The following SLC35F3 variants were observed in gnomAD, a reference collection of about 807,000 sequenced individuals.
The protein encoded by SLC35F3 is solute carrier family 35 member F3, also known as putative thiamine transporter SLC35F3.
A neutral mutation model predicts 49.9 loss-of-function variants in SLC35F3; 25 were observed. That is an observed-to-expected ratio of 0.50 (90% CI 0.37 to 0.70). The LOEUF (loss-of-function observed/expected upper bound fraction) is 0.70. SLC35F3 is among the 30% of genes least tolerant of loss of function. The pLI, the probability that SLC35F3 is intolerant of heterozygous loss-of-function variation, is 0.00. For synonymous variants in SLC35F3, 275 were observed against 265.4 expected (o/e 1.04, Z -0.35); for missense variants, 525 against 639.8 (o/e 0.82, Z 1.94).
Position 234,068,446 on chromosome 1 carries a change from C to T in SLC35F3, c.283+162688C>T, listed in dbSNP as rs548509326. On this transcript the variant is annotated intron_variant, in intron 2 of 7. Coordinates refer to ENST00000366618, the MANE Select transcript of SLC35F3 (RefSeq NM_173508.4). ...GATTCACAGTCTGTAACAGAAGACT[C>T]ACATGCTAACAGCTACAAGAAGCAG... Among the ~76,000 whole-genome samples the T allele has an allele frequency of 2.6e-5, 4 of 152,242 alleles. No individual in the cohort carries two copies. The South Asian group carries it at 8.3e-4, about 32-fold the overall frequency.
chr1:234,138,593 T>C (rs978052700), intron 2 of SLC35F3, among the ~76,000 whole-genome samples: 2 of 152,176 alleles, frequency 1.3e-5, no homozygotes, highest in African/African-American at 4.8e-5. Flanking sequence ...TCTTGCTCTG[T>C]CATCCAGGCT....
intron 2 of SLC35F3, among the ~76,000 whole-genome samples, chr1:234,008,006 A>G (rs1663657603): frequency 6.6e-6 from 1 of 152,224 alleles, no homozygotes; most frequent in Admixed American, 6.5e-5. Flanking sequence ...TTAGTAATTA[A>G]AAATGATTAA....
chr1:233,952,889 A>G (rs190609610), intron 2 of SLC35F3, among the ~76,000 whole-genome samples: 90 of 152,134 alleles, frequency 5.9e-4, no homozygotes, highest in African/African-American at 1.9e-3. Context: ...CCGCCCCACA[A>G]TTCTCTTTGT....
chr1:234,126,355 C>CAG (rs1261901061), intron 2 of SLC35F3, among the ~76,000 whole-genome samples: 1 of 152,172 alleles, frequency 6.6e-6, no homozygotes, highest in African/African-American at 2.4e-5. Context: ...AGAGGTAATA[C>CAG]AGAGAGATCT....
chr1:234,190,111 C>G (rs186951748), intron 2 of SLC35F3, among the ~76,000 whole-genome samples: 29 of 152,282 alleles, frequency 1.9e-4, no homozygotes, highest in Admixed American at 1.8e-3. Flanking sequence ...AAAACAGAAC[C>G]TCTTTAAAGC....
intron 2 of SLC35F3, among the ~76,000 whole-genome samples, chr1:234,140,407 G>A (rs1255854768): frequency 1.3e-5 from 2 of 152,058 alleles, no homozygotes; most frequent in African/African-American, 4.8e-5. Context: ...ATTAGTTCTT[G>A]TTAATCTCTC....
chr1:234,130,358 C>T (rs1223114831), intron 2 of SLC35F3, among the ~76,000 whole-genome samples: 1 of 151,812 alleles, frequency 6.6e-6, no homozygotes, highest in Non-Finnish European at 1.5e-5. Flanking sequence ...AAAAAACTCT[C>T]GGCCGGGTGC....
At chr1:234,051,220 T>C (rs1664371497) in intron 2 of SLC35F3, among the ~76,000 whole-genome samples, 1 of 152,182 alleles carries the variant, frequency 6.6e-6, no homozygotes, top group Admixed American at 6.5e-5. Flanking sequence ...ATCTGTAAAT[T>C]ACCTTGGGCA....
chr1:233,911,124 G>C (rs1661867149), intron 2 of SLC35F3, among the ~76,000 whole-genome samples: 1 of 152,304 alleles, frequency 6.6e-6, no homozygotes, highest in African/African-American at 2.4e-5. Context: ...GAGGTGAGGG[G>C]GAAGGGCTCA....
At chr1:233,969,664 G>C (rs993354822) in intron 2 of SLC35F3, among the ~76,000 whole-genome samples, 4 of 152,238 alleles carry the variant, frequency 2.6e-5, no homozygotes, top group Admixed American at 2.6e-4. Context: ...CCTAGTGTTG[G>C]AAGGCATGGC....
intron 2 of SLC35F3, among the ~76,000 whole-genome samples, chr1:234,038,714 C>T (rs575198739): frequency 4.9e-4 from 75 of 152,318 alleles, no homozygotes; most frequent in Non-Finnish European, 6.6e-4. Context: ...AAGTAGGGAA[C>T]TGATAAGCCA....
chr1:234,295,669 T>A (rs1187569856), intron 3 of SLC35F3, among the ~76,000 whole-genome samples: 1 of 152,268 alleles, frequency 6.6e-6, no homozygotes, highest in Non-Finnish European at 1.5e-5. Flanking sequence ...GCTGCTTTTC[T>A]TGTTAAACAA....
chr1:234,178,107 A>G (rs778355711), intron 2 of SLC35F3, among the ~76,000 whole-genome samples: 1 of 152,210 alleles, frequency 6.6e-6, no homozygotes, highest in Non-Finnish European at 1.5e-5. Context: ...TGTTAGAACA[A>G]TGATAGCATT....
At chr1:234,305,283 A>G (rs1043172685) in intron 3 of SLC35F3, among the ~76,000 whole-genome samples, 1 of 152,208 alleles carries the variant, frequency 6.6e-6, no homozygotes, top group Non-Finnish European at 1.5e-5. Context: ...TATTTGTCAA[A>G]TAATATGAGT....
intron 2 of SLC35F3, among the ~76,000 whole-genome samples, chr1:234,178,551 G>T (rs959422622): frequency 1.3e-5 from 2 of 151,466 alleles, no homozygotes; most frequent in African/African-American, 4.9e-5. Flanking sequence ...TCCCATACCC[G>T]CACAGCCTGC....
chr1:234,223,916 A>C (rs1667245833), intron 2 of SLC35F3, among the ~76,000 whole-genome samples: 1 of 152,202 alleles, frequency 6.6e-6, no homozygotes, highest in Non-Finnish European at 1.5e-5. Context: ...CTGTGTCCTC[A>C]CATGACCCCT....
chr1:234,257,637 G>T (rs1403599687), intron 3 of SLC35F3, among the ~76,000 whole-genome samples: 2 of 152,160 alleles, frequency 1.3e-5, no homozygotes, highest in Admixed American at 1.3e-4. Flanking sequence ...TTTATGTTAG[G>T]GTGAATTTTG....
At chr1:234,240,166 G>T (rs972260031) in intron 3 of SLC35F3, among the ~76,000 whole-genome samples, 3 of 152,188 alleles carry the variant, frequency 2.0e-5, no homozygotes, top group Non-Finnish European at 4.4e-5. Context: ...TGATTATGAG[G>T]TCATAAAATG....
intron 2 of SLC35F3, among the ~76,000 whole-genome samples, chr1:234,190,822 G>A (rs1205344857): frequency 6.6e-6 from 1 of 152,164 alleles, no homozygotes; most frequent in African/African-American, 2.4e-5. Context: ...CCTCATTGCA[G>A]CAATTATTAC....
Sources: gnomAD v4.1 joint callset for allele counts (sites outside exome capture counted in the v4.1 genomes callset) on GRCh38, gnomAD v4.1.1 for gene constraint, MANE v1.5 for transcripts, NCBI Gene and HGNC (gene_info 2026-07-23, HGNC 2026-07-21) for gene names.